XPO7: variants seen among roughly 807,000 people sequenced by gnomAD.
XPO7 encodes exportin 7.
Under a neutral mutation model 144.3 loss-of-function variants are expected in XPO7, and 21 were observed. The observed-to-expected ratio is 0.15, with a 90% CI of 0.10 to 0.21. The LOEUF (loss-of-function observed/expected upper bound fraction) is 0.21, where lower values mean the gene tolerates loss of function less well. XPO7 is among the 10% of genes least tolerant of loss of function. The pLI, the probability that XPO7 is intolerant of heterozygous loss-of-function variation, is 1.00. For missense variants in XPO7, 808 were observed against 1,325.8 expected (o/e 0.61, Z 6.06); for synonymous variants, 580 against 499.6 (o/e 1.16, Z -2.15).
rs1368634883 is a variant in XPO7 at position 22,005,254 on chromosome 8, G to C, written c.*166G>C. The C allele has an allele frequency of 2.1e-6, 1 of 465,996 alleles. No homozygotes were observed. Among genetic ancestry groups the C allele is most frequent in the Admixed American group, 3.8e-5 (1 of 26,024 alleles). The allele number at this position is 465,996 out of a possible 1,614,324, so 28.9% of individuals were successfully genotyped here. On this transcript the variant is annotated 3_prime_UTR_variant, in exon 28 of 28. Coordinates refer to ENST00000252512, the MANE Select transcript of XPO7 (RefSeq NM_015024.5). ...GCTTCCCCAGGGAATAGGGGTGTGA[G>C]TACACTCACTAGGGGGCAGGGCGCT...
chr8:21,991,689 T>C (rs143093321), intron 18 of XPO7, 179 bp from the exon 19 acceptor site: 2 of 468,244 alleles, frequency 4.3e-6, no homozygotes. Flanking sequence ...TCTTCTAGTT[T>C]AAAAATTCTG....
chr8:21,985,129 A>G (rs2117367946), intron 12 of XPO7, among the ~76,000 whole-genome samples: 1 of 152,220 alleles, frequency 6.6e-6, no homozygotes, highest in African/African-American at 2.4e-5. Context: ...CAGCCTCCCG[A>G]AGTAGCTGGG....
chr8:22,002,813 G>A (rs560742658), intron 25 of XPO7, among the ~76,000 whole-genome samples: 13 of 152,188 alleles, frequency 8.5e-5, no homozygotes, highest in Non-Finnish European at 1.5e-4. Flanking sequence ...TGTCCACACC[G>A]TTCTCTAAAG....
chr8:21,969,601 T>C, intron 3 of XPO7, 25 bp downstream of exon 3: 1 of 1,591,578 alleles, frequency 6.3e-7, no homozygotes, highest in Non-Finnish European at 8.6e-7. Flanking sequence ...TTCTGTTCTG[T>C]CTTGAAGAAA....
chr8:21,991,860 C>G lies in XPO7; in HGVS notation c.2042-8C>G, dbSNP rs1382751868. 6.2e-7 allele frequency: 1 copy of G among 1,606,710 alleles called. No individual in the cohort carries two copies. Among genetic ancestry groups the G allele is most frequent in the Non-Finnish European group, 8.5e-7 (1 of 1,176,984 alleles). The stretch of plus-strand genomic sequence containing the variant: ...TTGGGGTTACACCCTGGGATGTTTC[C>G]TTTACAGGAGAGGATGAAGATCAGT... On this transcript the variant is annotated splice_polypyrimidine_tract_variant and splice_region_variant and intron_variant, in intron 18 of 27. Transcript: ENST00000252512.
At position 22,005,236 on chromosome 8, in the gene XPO7, CA is replaced by C; in HGVS notation, c.*149del. On this transcript the variant is annotated 3_prime_UTR_variant, in exon 28 of 28. Coordinates refer to ENST00000252512, the MANE Select transcript of XPO7 (RefSeq NM_015024.5). ...GGCAAAGGTCAACTAGCTGCTTCCCCAGGGAATAGGGGTGTGAGTACACTCA... is the reference window on the plus strand; with the variant it reads ...GGCAAAGGTCAACTAGCTGCTTCCCCGGGAATAGGGGTGTGAGTACACTCA... 1.8e-6 allele frequency: 1 copy of C among 564,392 alleles called. No individual in the cohort carries two copies. Among genetic ancestry groups the C allele is most frequent in the East Asian group, 3.1e-5 (1 of 32,314 alleles). The allele number at this position is 564,392 out of a possible 1,614,324, so 35.0% of individuals were successfully genotyped here.
intron 18 of XPO7, among the ~76,000 whole-genome samples, chr8:21,991,141 G>A (rs770334031): frequency 3.9e-5 from 6 of 152,264 alleles, no homozygotes; most frequent in South Asian, 2.1e-4. Flanking sequence ...CATCTGATAC[G>A]CAGTGGCTTT....
At chr8:21,983,667 T>C (rs898332120) in intron 11 of XPO7, among the ~76,000 whole-genome samples, 16 of 152,214 alleles carry the variant, frequency 1.1e-4, no homozygotes, top group African/African-American at 3.6e-4. Flanking sequence ...GTTACATGTT[T>C]GTAGGCTCTG....
At chr8:21,979,467 G>T (rs905972660) in intron 8 of XPO7, among the ~76,000 whole-genome samples, 2 of 150,838 alleles carry the variant, frequency 1.3e-5, no homozygotes, top group African/African-American at 2.4e-5. Context: ...GAGTGCAGTG[G>T]CGCGATCTCG....
intron 1 of XPO7, among the ~76,000 whole-genome samples, chr8:21,935,562 G>T (rs1384762074): frequency 6.6e-6 from 1 of 152,134 alleles, no homozygotes; most frequent in Non-Finnish European, 1.5e-5. Context: ...AGTTTTCACT[G>T]ACTAGCTTGA....
intron 7 of XPO7, 73 bp downstream of exon 7, chr8:21,976,594 A>AT (rs1812231870): frequency 7.0e-7 from 1 of 1,418,820 alleles, no homozygotes; most frequent in Non-Finnish European, 9.4e-7. Flanking sequence ...GATCTAAAGA[A>AT]CTCCTGGCAA....
At chr8:21,942,404 A>G (rs893795459) in intron 1 of XPO7, among the ~76,000 whole-genome samples, 15 of 152,236 alleles carry the variant, frequency 9.9e-5, no homozygotes, top group African/African-American at 3.6e-4. Flanking sequence ...CATTATTGTG[A>G]GAAGCTTTTT....
At chr8:22,000,598 G>A (rs1431870298) in intron 24 of XPO7, among the ~76,000 whole-genome samples, 4 of 151,744 alleles carry the variant, frequency 2.6e-5, no homozygotes, top group East Asian at 3.9e-4. Flanking sequence ...GACTATAGGC[G>A]CCCGCCACCA....
chr8:21,954,899 G>A (rs982853880), intron 1 of XPO7, among the ~76,000 whole-genome samples: 11 of 152,154 alleles, frequency 7.2e-5, no homozygotes, highest in African/African-American at 2.4e-5. Flanking sequence ...GGAAAAAATT[G>A]ATAAGACATT....
At chr8:21,924,383 A>G (rs1177895413) in intron 1 of XPO7, among the ~76,000 whole-genome samples, 1 of 152,124 alleles carries the variant, frequency 6.6e-6, no homozygotes, top group Non-Finnish European at 1.5e-5. Context: ...ACCCAAATCA[A>G]GTCAGTATTA....
In XPO7 at chr8:22,005,154, T is replaced by C; in HGVS notation, c.*66T>C. 2.9e-6 allele frequency: 4 copies of C among 1,369,724 alleles called. No individual in the cohort carries two copies. The highest frequency in any genetic ancestry group is 4.0e-6 in the Non-Finnish European group (4 of 990,004). 84.8% of individuals were successfully genotyped at this position (1,369,724 alleles called of 1,614,324 possible). A position where few individuals can be genotyped will look rare whatever the true frequency, so the allele number is the denominator to read the frequency against. On this transcript the variant is annotated 3_prime_UTR_variant, in exon 28 of 28. Coordinates refer to ENST00000252512, the MANE Select transcript of XPO7 (RefSeq NM_015024.5). ...GGTTTGGCCCAGAGGGGCGAACAAT[T>C]GCAAGGGAGAGGGCCTGGCTGATCC... is the stretch of plus-strand genomic sequence containing the variant.
chr8:21,930,895 G>C (rs1810623031), intron 1 of XPO7, among the ~76,000 whole-genome samples: 1 of 152,094 alleles, frequency 6.6e-6, no homozygotes, highest in African/African-American at 2.4e-5. Flanking sequence ...GTGCAGTGTT[G>C]CGATCTCCGA....
At position 21,970,315 on chromosome 8, in the gene XPO7, A is replaced by C; in HGVS notation, c.426+5A>C. On this transcript the variant is annotated splice_donor_5th_base_variant and intron_variant, in intron 4 of 27. Coordinates refer to ENST00000252512, the MANE Select transcript of XPO7 (RefSeq NM_015024.5). The stretch of plus-strand genomic sequence containing the variant: ...GACGTCACAAGGTTTTTACAGGTAC[A>C]GTGTATATATTTGATGTAATGGGAA... 6.2e-7 allele frequency: 1 copy of C among 1,612,554 alleles called. No individual in the cohort carries two copies. The highest frequency in any genetic ancestry group is 8.5e-7 in the Non-Finnish European group (1 of 1,179,314).
rs371420799 is a variant in XPO7 at position 22,003,182 on chromosome 8, T to C, written c.2944-37T>C. Reference sequence around the variant, plus strand: ...TCGTTTTATCTTGGGTAGCAATACATTAGGTCACTGCCTGAAATTCTCCAT... The same window carrying C: ...TCGTTTTATCTTGGGTAGCAATACACTAGGTCACTGCCTGAAATTCTCCAT... On this transcript the variant is annotated intron_variant, in intron 25 of 27. Transcript: ENST00000252512. The C allele has an allele frequency of 2.3e-5, 35 of 1,534,778 alleles. No homozygotes were observed. The African/African-American group carries it at 4.6e-4, about 20-fold the overall frequency.
Sources: gnomAD v4.1 joint callset for allele counts (sites outside exome capture counted in the v4.1 genomes callset) on GRCh38, gnomAD v4.1.1 for gene constraint, MANE v1.5 for transcripts, NCBI Gene and HGNC (gene_info 2026-07-23, HGNC 2026-07-21) for gene names.